Variants in WDR33 observed in about 807,000 individuals in gnomAD.
WDR33 encodes the protein WD repeat domain 33.
WDR33 carries 47 observed loss-of-function variants against 164.9 expected under a neutral mutation model. The observed-to-expected ratio is 0.29, with a 90% CI of 0.23 to 0.36. WDR33 has a LOEUF of 0.36. Among genes scored for constraint, WDR33 ranks in the 10% least tolerant of loss-of-function variants. The pLI is 1.00. For synonymous variants in WDR33, 505 were observed against 589.0 expected (o/e 0.86, Z 2.06); for missense variants, 1,137 against 1,754.1 (o/e 0.65, Z 6.28).
At position 127,733,697 on chromosome 2, in the gene WDR33, C is replaced by T. The variant is rs540861595; in HGVS notation, c.725-6920G>A. ...AGACAGGAGAGATATAGAATACTTC[C>T]GTCGTCACAAAACAAAAAACAAAAA... On this transcript the variant is annotated intron_variant, in intron 7 of 21. Coordinates refer to ENST00000322313, the MANE Select transcript of WDR33 (RefSeq NM_018383.5). Among the ~76,000 whole-genome samples, 13 of 151,952 alleles carry T rather than the reference C, an allele frequency of 8.6e-5. No individual in the cohort carries two copies. The East Asian group carries it at 1.7e-3, about 20-fold the overall frequency.
At chr2:127,780,464 T>C (rs1408195290) in intron 1 of WDR33, among the ~76,000 whole-genome samples, 2 of 152,212 alleles carry the variant, frequency 1.3e-5, no homozygotes, top group Non-Finnish European at 2.9e-5. Flanking sequence ...CAACATGCTC[T>C]TTCTCTTCAT....
chr2:127,722,983 T>C lies in WDR33; in HGVS notation c.1353A>G (p.Lys451=), dbSNP rs1686477882. The C allele has an allele frequency of 6.2e-7, 1 of 1,611,410 alleles. No homozygotes were observed. Among genetic ancestry groups the C allele is most frequent in the Non-Finnish European group, 8.5e-7 (1 of 1,179,194 alleles). Residue 451 remains lysine (K), a synonymous_variant, in exon 13 of 22, where the codon AAA becomes AAG. Transcript: ENST00000322313. This position sits in a 1 kb window ranked among gnomAD's most constrained non-coding sequence, Gnocchi z 5.1. ...CCATCTGTTCTTGTTCCATAGCTAA[T>C]TTTAGTTGTTCTGGTATTCCCATTC... is the stretch of plus-strand genomic sequence containing the variant. ...IPGMGIPEQL[K]LAMEQEQMGK...
intron 4 of WDR33, 22 bp from the exon 5 acceptor site, chr2:127,765,291 G>A (rs1355643292): frequency 6.4e-7 from 1 of 1,565,558 alleles, no homozygotes; most frequent in Admixed American, 1.8e-5. Context: ...AAAAAGACAG[G>A]TTATACATCC....
Position 127,723,475 on chromosome 2 carries a change from G to T in WDR33, c.1197-128C>A. On this transcript the variant is annotated intron_variant, in intron 11 of 21. Coordinates refer to ENST00000322313, the MANE Select transcript of WDR33 (RefSeq NM_018383.5). This position sits in a 1 kb window ranked among gnomAD's most constrained non-coding sequence, Gnocchi z 5.9. ...TTTGTTTCTTCTACAAATTTAAAAT[G>T]TGAGGTCATACACTTTGGCTCACAT... The T allele has an allele frequency of 1.3e-6, 1 of 742,596 alleles. No homozygotes were observed. Among genetic ancestry groups the T allele is most frequent in the Non-Finnish European group, 2.2e-6 (1 of 462,604 alleles). 46.0% of individuals were successfully genotyped at this position (742,596 alleles called of 1,614,324 possible). A position where few individuals can be genotyped will look rare whatever the true frequency, so the allele number is the denominator to read the frequency against.
intron 7 of WDR33, among the ~76,000 whole-genome samples, chr2:127,750,442 C>T (rs765157339): frequency 2.6e-5 from 4 of 150,950 alleles, no homozygotes; most frequent in Non-Finnish European, 5.9e-5. Flanking sequence ...AGGTTAGGAG[C>T]TCGAGACCAG....
intron 4 of WDR33, among the ~76,000 whole-genome samples, chr2:127,767,442 G>A (rs770431571): frequency 2.6e-5 from 4 of 152,060 alleles, no homozygotes; most frequent in African/African-American, 4.8e-5. Flanking sequence ...GGCCGGGCAC[G>A]GTGGCTCATG....
chr2:127,771,391 CATAGA>C (rs1475465791), intron 1 of WDR33, among the ~76,000 whole-genome samples: 2 of 152,168 alleles, frequency 1.3e-5, no homozygotes, highest in East Asian at 3.9e-4. Flanking sequence ...AAAAAGACAC[CATAGA>C]AAAGTATGAT....
intron 7 of WDR33, among the ~76,000 whole-genome samples, chr2:127,746,166 G>C (rs1479115175): frequency 6.6e-6 from 1 of 151,640 alleles, no homozygotes; most frequent in Non-Finnish European, 1.5e-5. Context: ...TAAAATATGA[G>C]GACTTACATA....
intron 1 of WDR33, among the ~76,000 whole-genome samples, chr2:127,809,253 A>G (rs1689552705): frequency 6.6e-6 from 1 of 152,048 alleles, no homozygotes; most frequent in South Asian, 2.1e-4. Flanking sequence ...CTGAATAAAT[A>G]CCTTAAGTGC....
At chr2:127,789,882 C>CTGGA (rs1173786310) in intron 1 of WDR33, among the ~76,000 whole-genome samples, 1 of 152,126 alleles carries the variant, frequency 6.6e-6, no homozygotes, top group East Asian at 1.9e-4. Flanking sequence ...GTCACCCAGG[C>CTGGA]TGGAGTGCAG....
intron 1 of WDR33, among the ~76,000 whole-genome samples, chr2:127,786,542 G>A (rs1297831760): frequency 1.3e-5 from 2 of 152,136 alleles, no homozygotes; most frequent in Non-Finnish European, 2.9e-5. Context: ...CATTAGCTGG[G>A]CATGGTGGTG....
chr2:127,767,697 C>T (rs577478791), intron 4 of WDR33, among the ~76,000 whole-genome samples: 24 of 151,912 alleles, frequency 1.6e-4, no homozygotes, highest in African/African-American at 5.6e-4. Flanking sequence ...CCTGGGTGAC[C>T]GAGTGAGACT....
In WDR33 at chr2:127,714,037, C is replaced by T; in HGVS notation, c.2870-16G>A. The T allele has an allele frequency of 1.3e-6, 2 of 1,503,428 alleles. No homozygotes were observed. The highest frequency in any genetic ancestry group is 2.7e-5 in the South Asian group (2 of 74,804). The allele number at this position is 1,503,428 out of a possible 1,614,324, so 93.1% of individuals were successfully genotyped here. ...CGGGAGTCACCTAAAGGAAACAAAG[C>T]TGACTTTTACCATGTCTTCCAGGAA... On this transcript the variant is annotated splice_polypyrimidine_tract_variant and intron_variant, in intron 17 of 21. Transcript: ENST00000322313. The surrounding 1 kb of genome is among the most constrained non-coding windows in gnomAD (Gnocchi z 4.3).
Position 127,709,725 on chromosome 2 carries a change from T to G in WDR33, c.3440A>C (p.Asp1147Ala). The part of the protein sequence containing the change: ...DASEEAARGR[D>A]LRGRGRGTPR... ...GGTACCCCGACCTCGACCTCTGAGATCTCGTCCTCGGGCCGCTTCCTCAGA... is the reference window on the plus strand; with the variant it reads ...GGTACCCCGACCTCGACCTCTGAGAGCTCGTCCTCGGGCCGCTTCCTCAGA... The change falls in exon 19 of 22, where the codon GAT (aspartate) becomes GCT (alanine). Residue 1147 changes from aspartate to alanine, a missense_variant. Physicochemically the swap from Asp to Ala is moderately radical, Grantham distance 126. Coordinates refer to ENST00000322313, the MANE Select transcript of WDR33 (RefSeq NM_018383.5). This position sits in a 1 kb window ranked among gnomAD's most constrained non-coding sequence, Gnocchi z 5.0. 3 of 1,614,238 alleles carry G rather than the reference T, an allele frequency of 1.9e-6. No homozygotes were observed. The highest frequency in any genetic ancestry group is 1.7e-6 in the Non-Finnish European group (2 of 1,180,040).
intron 1 of WDR33, chr2:127,799,092 G>A (rs994503055): frequency 8.5e-5 from 13 of 152,064 alleles, no homozygotes; most frequent in African/African-American, 3.1e-4. Flanking sequence ...TACCAATGGA[G>A]GAGAATCTAC....
intron 1 of WDR33, among the ~76,000 whole-genome samples, chr2:127,786,844 C>CTTTTTTTTTTTTTTTTTTTTTTTT (rs71307273): frequency 2.7e-5 from 3 of 111,876 alleles, no homozygotes; most frequent in Non-Finnish European, 5.5e-5. Context: ...CCTTTCTGTT[C>CTTTTTTTTTTTTTTTTTTTTTTTT]TTTTTTTTTT....
At position 127,708,510 on chromosome 2, in the gene WDR33, G is replaced by A. The variant is rs1274307534; in HGVS notation, c.3781+167C>T. ...CCGGAGGCAAGTGGAGTCCTGTGCAGGGCTGAGTTGCAGTCCACCAGATGA... is the reference window on the plus strand; with the variant it reads ...CCGGAGGCAAGTGGAGTCCTGTGCAAGGCTGAGTTGCAGTCCACCAGATGA... On this transcript the variant is annotated intron_variant, in intron 21 of 21. Transcript: ENST00000322313. The surrounding 1 kb of genome is among the most constrained non-coding windows in gnomAD (Gnocchi z 6.7). 6.6e-6 allele frequency among the ~76,000 whole-genome samples: 1 copy of A among 152,260 alleles called. No homozygotes were observed. The highest frequency in any genetic ancestry group is 1.5e-5 in the Non-Finnish European group (1 of 68,046).
chr2:127,765,165 TATC>T lies in WDR33; in HGVS notation c.474+6_474+8del, dbSNP rs1246060103. The stretch of plus-strand genomic sequence containing the variant: ...CAGGATGATGATACCATCTGGTGAT[TATC>T]ATTACCTGTAATATTGTTTCAAAAT... On this transcript the variant is annotated splice_donor_region_variant and intron_variant, in intron 5 of 21. Coordinates refer to ENST00000322313, the MANE Select transcript of WDR33 (RefSeq NM_018383.5). The T allele has an allele frequency of 6.2e-7, 1 of 1,608,662 alleles. No homozygotes were observed. Among genetic ancestry groups the T allele is most frequent in the Non-Finnish European group, 8.5e-7 (1 of 1,175,574 alleles).
rs1687001750 is a variant in WDR33 at position 127,741,100 on chromosome 2, GT to G, written c.725-14324del. On this transcript the variant is annotated intron_variant, in intron 7 of 21. Transcript: ENST00000322313. The surrounding 1 kb of genome is among the most constrained non-coding windows in gnomAD (Gnocchi z 4.1). ...AATTATAGGGAGACTTGTCCAGGTTGTCCCTCCTGACTTCCTGTTTCTGTAG... is the reference window on the plus strand; with the variant it reads ...AATTATAGGGAGACTTGTCCAGGTTGCCCTCCTGACTTCCTGTTTCTGTAG... Among the ~76,000 whole-genome samples the G allele has an allele frequency of 6.6e-6, 1 of 152,224 alleles. No homozygotes were observed. Among genetic ancestry groups the G allele is most frequent in the Non-Finnish European group, 1.5e-5 (1 of 68,038 alleles).
Sources: allele counts gnomAD v4.1 joint callset (sites outside exome capture counted in the v4.1 genomes callset), GRCh38; gene constraint gnomAD v4.1.1; non-coding constraint Gnocchi (gnomAD v3.1); transcripts MANE v1.5; gene names NCBI Gene and HGNC (gene_info 2026-07-23, HGNC 2026-07-21).